The following AHR variants were observed in gnomAD, a reference collection of about 807,000 sequenced individuals.
The protein encoded by AHR is AH-receptor.
In AHR, 40 loss-of-function variants were observed where a neutral mutation model predicts 86.8. That is an observed-to-expected ratio of 0.46 (90% CI 0.36 to 0.60). AHR has a LOEUF of 0.60. AHR is among the 20% of genes least tolerant of loss of function. The probability of loss-of-function intolerance (pLI) is 0.00; values close to 1 mark genes in which losing one functional copy is unlikely to be tolerated. For missense variants in AHR, 1,001 were observed against 1,011.6 expected (o/e 0.99, Z 0.14); for synonymous variants, 398 against 354.9 (o/e 1.12, Z -1.37).
chr7:17,318,876 G>GA (rs1782142365), intron 2 of AHR, among the ~76,000 whole-genome samples: 1 of 152,132 alleles, frequency 6.6e-6, no homozygotes, highest in African/African-American at 2.4e-5. Flanking sequence ...ATGTTATTAA[G>GA]AAAATCATAA....
At chr7:17,307,753 C>T (rs1176755272) in intron 1 of AHR, among the ~76,000 whole-genome samples, 1 of 152,070 alleles carries the variant, frequency 6.6e-6, no homozygotes, top group Non-Finnish European at 1.5e-5. Context: ...CGAACCCTGC[C>T]CTGCTTTCTG....
intron 2 of AHR, among the ~76,000 whole-genome samples, chr7:17,319,299 C>T (rs573067205): frequency 6.6e-6 from 1 of 152,092 alleles, no homozygotes; most frequent in Admixed American, 6.6e-5. Context: ...TTAATCCTCA[C>T]AAGAATTTGT....
intron 1 of AHR, among the ~76,000 whole-genome samples, chr7:17,301,680 A>T (rs1781956282): frequency 1.3e-5 from 2 of 151,880 alleles, no homozygotes; most frequent in Non-Finnish European, 2.9e-5. Flanking sequence ...AACCCCCCCT[A>T]GTGGCGGCTC....
Position 17,330,769 on chromosome 7 carries a change from C to T in AHR, c.588C>T (p.Leu196=), listed in dbSNP as rs371991449. Residue 196 remains leucine (L), a synonymous_variant, in exon 6 of 11, where the codon CTC becomes CTT. Coordinates refer to ENST00000242057, the MANE Select transcript of AHR (RefSeq NM_001621.5). ...TTATTTCTACAGAAGCCACTGGTCT[C>T]CCCCAGACAGTAGTCTGTTATAACC... ...SGQGIEEATG[L]PQTVVCYNPD... The T allele has an allele frequency of 3.7e-6, 6 of 1,608,816 alleles. No homozygotes were observed. The African/African-American group carries it at 6.7e-5, about 18-fold the overall frequency.
rs1290582537 is a variant in AHR, at chr7:17,342,913, G to T, written c.2404-8G>T. 1.9e-6 allele frequency: 3 copies of T among 1,608,746 alleles called. No individual in the cohort carries two copies. Among genetic ancestry groups the T allele is most frequent in the African/African-American group, 1.3e-5 (1 of 74,684 alleles). On this transcript the variant is annotated splice_region_variant and splice_polypyrimidine_tract_variant and intron_variant, in intron 10 of 10. Coordinates refer to ENST00000242057, the MANE Select transcript of AHR (RefSeq NM_001621.5). ...TCCAATAAGTTGCATCACCATTTTT[G>T]TTTTCAGTTTCAGAATGGAGTTTTA...
chr7:17,336,605 T>C (rs2115367891), intron 9 of AHR, among the ~76,000 whole-genome samples: 1 of 152,310 alleles, frequency 6.6e-6, no homozygotes, highest in South Asian at 2.1e-4. Context: ...GCAATTACCT[T>C]GAAACTGTAG....
chr7:17,340,827 G>A (rs1005714375), intron 10 of AHR, among the ~76,000 whole-genome samples: 1 of 152,028 alleles, frequency 6.6e-6, no homozygotes, highest in Non-Finnish European at 1.5e-5. Flanking sequence ...CTTTAAGGTA[G>A]AATGGCTTTC....
At position 17,299,370 on chromosome 7, in the gene AHR, C is replaced by G. The variant is rs769125252; in HGVS notation, c.65+41C>G. Reference sequence around the variant, plus strand: ...GCGTCCTCATCGCGGGGGCTGGGCGCTCAGGCACGCGGGTGCGGGAGGCAG... The same window carrying G: ...GCGTCCTCATCGCGGGGGCTGGGCGGTCAGGCACGCGGGTGCGGGAGGCAG... On this transcript the variant is annotated intron_variant, in intron 1 of 10. Coordinates refer to ENST00000242057, the MANE Select transcript of AHR (RefSeq NM_001621.5). 8 of 1,603,198 alleles carry G rather than the reference C, an allele frequency of 5.0e-6. No individual in the cohort carries two copies. The Admixed American group carries it at 1.3e-4, about 27-fold the overall frequency.
intron 10 of AHR, among the ~76,000 whole-genome samples, chr7:17,342,592 C>A (rs1782437660): frequency 6.6e-6 from 1 of 152,216 alleles, no homozygotes; most frequent in East Asian, 1.9e-4. Context: ...GAATATTTAA[C>A]TGTAATTTGT....
chr7:17,302,049 AT>A (rs1400960973), intron 1 of AHR, among the ~76,000 whole-genome samples: 12 of 151,998 alleles, frequency 7.9e-5, no homozygotes, highest in Non-Finnish European at 1.3e-4. Flanking sequence ...CAAAAAGGCC[AT>A]TATATAATTA....
chr7:17,299,407 C>T, intron 1 of AHR, 78 bp downstream of exon 1: 1 of 1,497,542 alleles, frequency 6.7e-7, no homozygotes, highest in Non-Finnish European at 9.1e-7. Context: ...CCCACCCCGC[C>T]CCCAAATCCC....
At chr7:17,341,271 CAG>C (rs1782420824) in intron 10 of AHR, among the ~76,000 whole-genome samples, 3 of 151,996 alleles carry the variant, frequency 2.0e-5, no homozygotes, top group African/African-American at 7.2e-5. Flanking sequence ...TAGAAAAGGA[CAG>C]TGAAAATTTT....
At chr7:17,310,374 C>T (rs1422085494) in intron 2 of AHR, among the ~76,000 whole-genome samples, 1 of 151,988 alleles carries the variant, frequency 6.6e-6, no homozygotes, top group East Asian at 1.9e-4. Context: ...TTAGAAGTTA[C>T]ACTCAAATTG....
At position 17,342,957 on chromosome 7, in the gene AHR, G is replaced by T. The variant is rs1782441987; in HGVS notation, c.2440G>T (p.Glu814Ter). The T allele has an allele frequency of 6.2e-7, 1 of 1,613,224 alleles. No individual in the cohort carries two copies. The highest frequency in any genetic ancestry group is 8.5e-7 in the Non-Finnish European group (1 of 1,179,462). ...AGTTTTAAATGAAACATATCCAGCT[G>T]AATTAAATAACATAAATAACACTCA... The part of the protein sequence containing the change: ...NGVLNETYPA[E>*]LNNINNTQTT... The change falls in exon 11 of 11, where the codon GAA (glutamate) becomes TAA (stop). Residue 814 changes from glutamate to a stop codon, truncating the protein, a stop_gained. Transcript: ENST00000242057. LOFTEE classifies it high-confidence loss of function.
intron 6 of AHR, among the ~76,000 whole-genome samples, chr7:17,333,646 A>G (rs573930889): frequency 6.6e-6 from 1 of 152,032 alleles, no homozygotes; most frequent in East Asian, 1.9e-4. Context: ...CAAGCTTGGA[A>G]AATGATATAG....
intron 3 of AHR, among the ~76,000 whole-genome samples, chr7:17,326,088 A>G (rs1268957148): frequency 6.6e-6 from 1 of 152,210 alleles, no homozygotes; most frequent in African/African-American, 2.4e-5. Flanking sequence ...TTTTCTGGCT[A>G]TGTGACCTTG....
chr7:17,338,241 A>T (rs1299148548), intron 9 of AHR, among the ~76,000 whole-genome samples: 1 of 142,982 alleles, frequency 7.0e-6, no homozygotes, highest in South Asian at 2.3e-4. Flanking sequence ...CAAATACTTT[A>T]ATATTAAGTA....
rs184795739 is a variant in AHR, at chr7:17,310,783, G to A, written c.253+660G>A. On this transcript the variant is annotated intron_variant, in intron 2 of 10. Coordinates refer to ENST00000242057, the MANE Select transcript of AHR (RefSeq NM_001621.5). ...ACTCCTGACCTCAGGTGATCTGCCC[G>A]TCTCAGCCTCCCAAAGTGCTGGGAT... is the stretch of plus-strand genomic sequence containing the variant. Among the ~76,000 whole-genome samples the A allele has an allele frequency of 1.1e-3, 166 of 152,226 alleles. No individual in the cohort carries two copies. The East Asian group carries it at 0.027, about 25-fold the overall frequency.
intron 8 of AHR, 77 bp downstream of exon 8, chr7:17,335,073 T>C (rs1306773276): frequency 2.9e-6 from 3 of 1,049,990 alleles, no homozygotes; most frequent in Admixed American, 2.0e-5. Flanking sequence ...TCTTACGTAA[T>C]GTAAAGTGTT....
Sources: gnomAD v4.1 joint callset for allele counts (sites outside exome capture counted in the v4.1 genomes callset) on GRCh38, gnomAD v4.1.1 for gene constraint, MANE v1.5 for transcripts, NCBI Gene and HGNC (gene_info 2026-07-23, HGNC 2026-07-21) for gene names.